FSTL4: variants seen among roughly 807,000 people sequenced by gnomAD.
FSTL4 encodes follistatin-related protein 4.
Under a neutral mutation model 78.2 loss-of-function variants are expected in FSTL4, and 28 were observed. That is an observed-to-expected ratio of 0.36 (90% CI 0.27 to 0.49). The LOEUF is 0.49. FSTL4 is among the 20% of genes least tolerant of loss of function. The pLI is 0.98. For missense variants in FSTL4, 922 were observed against 1,084.9 expected, an observed-to-expected ratio of 0.85 and a Z score of 2.11; for synonymous variants, 422 against 440.5, an observed-to-expected ratio of 0.96 and a Z score of 0.53.
At chr5:133,348,611 C>T (rs1019844948) in intron 4 of FSTL4, among the ~76,000 whole-genome samples, 3 of 152,186 alleles carry the variant, frequency 2.0e-5, no homozygotes, top group African/African-American at 4.8e-5. Context: ...GGAGTGCTCA[C>T]GGAGGTGACT....
intron 3 of FSTL4, among the ~76,000 whole-genome samples, chr5:133,450,002 C>G (rs76024873): frequency 0.011 from 1,665 of 152,292 alleles, 24 homozygotes; most frequent in Middle Eastern, 0.058. Flanking sequence ...GGGTTTAGGT[C>G]AAGTTTGCTT....
intron 3 of FSTL4, among the ~76,000 whole-genome samples, chr5:133,524,031 G>C (rs893048220): frequency 3.3e-5 from 5 of 152,340 alleles, no homozygotes; most frequent in African/African-American, 1.2e-4. Context: ...TAACATCTGG[G>C]AGACACCAGA....
At chr5:133,630,248 C>CAT in the FSTL4 span, among the ~76,000 whole-genome samples, 2 of 152,242 alleles carry the variant, frequency 1.3e-5, no homozygotes, top group Non-Finnish European at 2.9e-5. Context: ...TTAGAAAATG[C>CAT]CATTGTCTCA....
intron 4 of FSTL4, among the ~76,000 whole-genome samples, chr5:133,317,964 C>T (rs973309008): frequency 6.6e-6 from 1 of 152,192 alleles, no homozygotes; most frequent in Admixed American, 6.5e-5. Flanking sequence ...CTCTTCCTCC[C>T]TTCCTCTTTT....
At chr5:133,686,690 G>T in the FSTL4 span, among the ~76,000 whole-genome samples, 7 of 152,288 alleles carry the variant, frequency 4.6e-5, no homozygotes, top group Non-Finnish European at 8.8e-5. Flanking sequence ...GGGACTTCAG[G>T]TCAGGGGATA....
At chr5:133,372,333 T>C (rs1755329702) in intron 4 of FSTL4, among the ~76,000 whole-genome samples, 1 of 152,150 alleles carries the variant, frequency 6.6e-6, no homozygotes. Flanking sequence ...TTAGACTGTG[T>C]GTGATCCTAG....
At chr5:133,621,593 A>G in the FSTL4 span, among the ~76,000 whole-genome samples, 1 of 152,040 alleles carries the variant, frequency 6.6e-6, no homozygotes, top group Admixed American at 6.6e-5. Context: ...GACTTTGGGG[A>G]CTTGGGGGAA....
intron 8 of FSTL4, among the ~76,000 whole-genome samples, chr5:133,232,144 T>A (rs1192302899): frequency 6.6e-6 from 1 of 152,198 alleles, no homozygotes; most frequent in Non-Finnish European, 1.5e-5. Flanking sequence ...TGCAAGAGGT[T>A]TACCCAAAGT....
chr5:133,605,165 A>C (rs1012388375), intron 1 of FSTL4, among the ~76,000 whole-genome samples: 3 of 152,230 alleles, frequency 2.0e-5, no homozygotes, highest in African/African-American at 7.2e-5. Flanking sequence ...ATTATGAAAC[A>C]TAACCAGATA....
chr5:133,731,683 G>T, the FSTL4 span, among the ~76,000 whole-genome samples: 9 of 152,080 alleles, frequency 5.9e-5, no homozygotes, highest in Non-Finnish European at 1.3e-4. Flanking sequence ...TAAACAAAAA[G>T]GGAAAAAAGA....
chr5:133,221,667 A>C (rs929023370), intron 11 of FSTL4, among the ~76,000 whole-genome samples: 2 of 152,116 alleles, frequency 1.3e-5, no homozygotes, highest in South Asian at 2.1e-4. Flanking sequence ...TGGGCCCTGC[A>C]TTCTGGCCTC....
intron 4 of FSTL4, among the ~76,000 whole-genome samples, chr5:133,375,294 A>ATATATATGTGTGTG (rs1755405072): frequency 1.6e-5 from 2 of 125,866 alleles, no homozygotes; most frequent in Non-Finnish European, 3.5e-5. Context: ...TGCATGGCAT[A>ATATATATGTGTGTG]TATATATATA....
At chr5:133,666,011 C>T in the FSTL4 span, among the ~76,000 whole-genome samples, 2 of 152,040 alleles carry the variant, frequency 1.3e-5, no homozygotes, top group Non-Finnish European at 2.9e-5. Context: ...ACCTCACTGG[C>T]TTAACCCCGA....
intron 6 of FSTL4, among the ~76,000 whole-genome samples, chr5:133,294,573 G>A (rs1753344666): frequency 6.6e-6 from 1 of 152,150 alleles, no homozygotes; most frequent in African/African-American, 2.4e-5. Flanking sequence ...TGCCACCTGT[G>A]TAAGTGCCAG....
At chr5:133,576,046 T>C (rs943206328) in intron 2 of FSTL4, among the ~76,000 whole-genome samples, 12 of 152,234 alleles carry the variant, frequency 7.9e-5, no homozygotes, top group African/African-American at 2.7e-4. Flanking sequence ...AAAATTACCA[T>C]TCTATAAAGC....
intron 2 of FSTL4, among the ~76,000 whole-genome samples, chr5:133,577,622 A>G (rs552249114): frequency 6.6e-6 from 1 of 152,246 alleles, no homozygotes; most frequent in Non-Finnish European, 1.5e-5. Flanking sequence ...TCTTCCCAGA[A>G]GACCAGATGT....
the FSTL4 span, among the ~76,000 whole-genome samples, chr5:133,653,805 C>A: frequency 6.6e-6 from 1 of 152,206 alleles, no homozygotes; most frequent in Admixed American, 6.5e-5. Context: ...TGAATAAACA[C>A]ATGCACACAC....
upstream of FSTL4, among the ~76,000 whole-genome samples, chr5:133,616,878 C>A (rs1479809218): frequency 6.6e-6 from 1 of 152,174 alleles, no homozygotes; most frequent in Non-Finnish European, 1.5e-5. Flanking sequence ...TGACCCTAAC[C>A]TGGACCAGGG....
At chr5:133,668,243 C>A in the FSTL4 span, among the ~76,000 whole-genome samples, 1 of 152,128 alleles carries the variant, frequency 6.6e-6, no homozygotes, top group East Asian at 1.9e-4. Flanking sequence ...AACTAAGAAA[C>A]CCTCAGGAAG....
Sources: allele counts gnomAD v4.1 joint callset (sites outside exome capture counted in the v4.1 genomes callset), GRCh38; gene constraint gnomAD v4.1.1; transcripts MANE v1.5; gene names NCBI Gene and HGNC (gene_info 2026-07-23, HGNC 2026-07-21).